PCDHA9: variants seen among roughly 807,000 people sequenced by gnomAD.
The protein encoded by PCDHA9 is protocadherin alpha-9.
A neutral mutation model predicts 62.0 loss-of-function variants in PCDHA9; 62 were observed. That is an observed-to-expected ratio of 1.00 (90% CI 0.81 to 1.23). The LOEUF (loss-of-function observed/expected upper bound fraction) is 1.23, where lower values mean the gene tolerates loss of function less well. PCDHA9 is among the 50% of genes most tolerant of loss of function. The pLI is 0.00. For missense variants in PCDHA9, 1,205 were observed against 1,249.8 expected, an observed-to-expected ratio of 0.96 and a Z score of 0.54; for synonymous variants, 557 against 567.6, an observed-to-expected ratio of 0.98 and a Z score of 0.27.
intron 1 of PCDHA9, among the ~76,000 whole-genome samples, chr5:140,925,082 AAAGGAAGG>A (rs138596875): frequency 4.1e-5 from 6 of 147,388 alleles, no homozygotes; most frequent in Admixed American, 1.3e-4. Flanking sequence ...GCTCATCTGG[AAAGGAAGG>A]AAGGAAGGAA....
intron 1 of PCDHA9, among the ~76,000 whole-genome samples, chr5:140,896,094 AGC>A (rs2065382019): frequency 6.6e-6 from 1 of 152,148 alleles, no homozygotes; most frequent in Non-Finnish European, 1.5e-5. Context: ...TACAGGCGTG[AGC>A]CACTGTGCCT....
At chr5:140,951,948 A>G (rs2153694438) in intron 1 of PCDHA9, among the ~76,000 whole-genome samples, 1 of 152,322 alleles carries the variant, frequency 6.6e-6, no homozygotes, top group South Asian at 2.1e-4. Context: ...GTGCGGGTAC[A>G]GGCATTGGGT....
At position 140,849,901 on chromosome 5, in the gene PCDHA9, C is replaced by T. The variant is rs1554143464; in HGVS notation, c.1406C>T (p.Pro469Leu). The change falls in exon 1 of 4, where the codon CCG (proline) becomes CTG (leucine). Residue 469 changes from proline to leucine, a missense_variant. This residue lies in a region of PCDHA9 where 887 missense variants were observed against 809.5 expected (regional missense o/e 1.10). Coordinates refer to ENST00000532602, the MANE Select transcript of PCDHA9 (RefSeq NM_031857.2). ...ACGGTGTTCGTGAAGGAGAACAACC[C>T]GCCGGGCTGCCACATCTTCACGGTG... The part of the protein sequence containing the change: ...EYTVFVKENN[P>L]PGCHIFTVSA... 8.1e-6 allele frequency: 13 copies of T among 1,598,462 alleles called. 2 individuals are homozygous for T. The highest frequency in any genetic ancestry group is 1.1e-5 in the South Asian group (1 of 90,542).
intron 1 of PCDHA9, among the ~76,000 whole-genome samples, chr5:140,975,268 G>C (rs1054634006): frequency 6.6e-6 from 1 of 152,102 alleles, no homozygotes; most frequent in African/African-American, 2.4e-5. Flanking sequence ...TCTGATTTCT[G>C]TCTCTGACCT....
At chr5:140,968,507 T>A in intron 1 of PCDHA9, 1 of 1,614,178 alleles carries the variant, frequency 6.2e-7, no homozygotes, top group South Asian at 1.1e-5. Context: ...TCACATTCTG[T>A]ACCCTACCTC....
intron 1 of PCDHA9, chr5:140,967,799 A>G: frequency 1.2e-6 from 2 of 1,614,190 alleles, no homozygotes; most frequent in Non-Finnish European, 1.7e-6. Context: ...TCCAGTGCCC[A>G]TGGCAGGTCA....
At chr5:140,901,022 A>G (rs2068415143) in intron 1 of PCDHA9, among the ~76,000 whole-genome samples, 1 of 152,166 alleles carries the variant, frequency 6.6e-6, no homozygotes, top group Non-Finnish European at 1.5e-5. Flanking sequence ...AGAAACATCT[A>G]TTCAACTCTT....
chr5:140,867,125 A>G (rs781885950), intron 1 of PCDHA9: 1 of 152,144 alleles, frequency 6.6e-6, no homozygotes, highest in Non-Finnish European at 1.5e-5. Flanking sequence ...TTTTAATTCA[A>G]ATATGTGATA....
chr5:140,902,599 G>A (rs981296505), intron 1 of PCDHA9, among the ~76,000 whole-genome samples: 14 of 152,024 alleles, frequency 9.2e-5, no homozygotes, highest in Admixed American at 3.3e-4. Flanking sequence ...GAAACAGGTC[G>A]TTTTCAGTTA....
At chr5:140,861,470 G>A (rs1554154806) in intron 1 of PCDHA9, 1 of 492,724 alleles carries the variant, frequency 2.0e-6, no homozygotes, top group Non-Finnish European at 4.2e-6. Context: ...TAAATCTGCA[G>A]AATGGCATTT....
At chr5:140,853,895 TG>T in intron 1 of PCDHA9, 1 of 971,706 alleles carries the variant, frequency 1.0e-6, no homozygotes, top group Non-Finnish European at 1.2e-6. Flanking sequence ...TAAAAAGATG[TG>T]GTGGCCTGAC....
chr5:140,991,924 A>T (rs1028386420), intron 3 of PCDHA9, among the ~76,000 whole-genome samples: 1 of 152,140 alleles, frequency 6.6e-6, no homozygotes, highest in Non-Finnish European at 1.5e-5. Context: ...GTAACATAAC[A>T]TATTCACAAG....
chr5:140,893,467 A>G (rs2064001411), intron 1 of PCDHA9, among the ~76,000 whole-genome samples: 1 of 152,186 alleles, frequency 6.6e-6, no homozygotes, highest in Non-Finnish European at 1.5e-5. Context: ...AGCCTGGGCA[A>G]CATAGCAAGA....
intron 3 of PCDHA9, among the ~76,000 whole-genome samples, chr5:141,006,446 C>T (rs2098274720): frequency 1.3e-5 from 2 of 152,066 alleles, no homozygotes; most frequent in South Asian, 4.1e-4. Flanking sequence ...ATCTCCTGAC[C>T]TCGAGATCTG....
chr5:140,897,457 C>T (rs1173344812), intron 1 of PCDHA9, among the ~76,000 whole-genome samples: 11 of 151,186 alleles, frequency 7.3e-5, no homozygotes, highest in East Asian at 1.9e-4. Context: ...TTTGTCCTTG[C>T]GATAGTTTAC....
intron 1 of PCDHA9, chr5:140,929,118 A>G: frequency 2.5e-6 from 4 of 1,614,150 alleles, no homozygotes; most frequent in Non-Finnish European, 3.4e-6. Flanking sequence ...CAGCCACCAT[A>G]GATGTCACTA....
intron 1 of PCDHA9, among the ~76,000 whole-genome samples, chr5:140,872,710 A>G (rs563009592): frequency 6.5e-4 from 99 of 152,384 alleles, no homozygotes; most frequent in African/African-American, 1.9e-3. Flanking sequence ...AAAGGAAACT[A>G]GGTAAATAAA....
At chr5:140,932,028 G>T (rs1299372751) in intron 1 of PCDHA9, among the ~76,000 whole-genome samples, 1 of 151,864 alleles carries the variant, frequency 6.6e-6, no homozygotes, top group African/African-American at 2.4e-5. Context: ...TAAGTTTACA[G>T]TATATATTAA....
rs544401230 is a variant in PCDHA9 at position 140,855,171 on chromosome 5, C to A, written c.2394+4282C>A. On this transcript the variant is annotated intron_variant, in intron 1 of 3. Coordinates refer to ENST00000532602, the MANE Select transcript of PCDHA9 (RefSeq NM_031857.2). ...AATTTGGTATTGAGCCTCATGAAAA[C>A]AAATGTGGCCAAATTGAGGCCTGAG... Among the ~76,000 whole-genome samples the A allele has an allele frequency of 6.9e-4, 104 of 149,830 alleles. 7 individuals are homozygous for A. Among genetic ancestry groups the A allele is most frequent in the African/African-American group, 2.4e-3 (100 of 41,004 alleles).
Sources: gnomAD v4.1 joint callset for allele counts (sites outside exome capture counted in the v4.1 genomes callset) on GRCh38, gnomAD v4.1.1 for gene constraint, gnomAD v4.1.1 regional missense constraint, MANE v1.5 for transcripts, NCBI Gene and HGNC (gene_info 2026-07-23, HGNC 2026-07-21) for gene names.